ANKRD65: variants seen among roughly 807,000 people sequenced by gnomAD.
ANKRD65 encodes ankyrin repeat domain-containing protein 65.
ANKRD65 carries 26 observed loss-of-function variants against 17.2 expected under a neutral mutation model. The ratio of observed to expected loss-of-function variants is 1.51; its 90% confidence interval spans 1.11 to 2.09. ANKRD65 has a LOEUF of 2.09. Ranked by LOEUF, ANKRD65 falls within the 30% of genes most tolerant of loss-of-function variation. ANKRD65 has a pLI of 0.00. For synonymous variants in ANKRD65, 311 were observed against 272.2 expected (o/e 1.14, Z -1.40); for missense variants, 621 against 542.2 (o/e 1.15, Z -1.44).
chr1:1,418,743 T>G lies in ANKRD65; in HGVS notation c.*357A>C. ...TAGGCCAGGCAGGCGCAGGCCTGGT[T>G]TCGGGCCTAGCGCCAGGCTGCCTGC... On this transcript the variant is annotated 3_prime_UTR_variant, in exon 4 of 4. Coordinates refer to ENST00000537107, the MANE Select transcript of ANKRD65 (RefSeq NM_001145210.3). 4.9e-6 allele frequency: 1 copy of G among 206,016 alleles called. No individual in the cohort carries two copies. 12.8% of individuals were successfully genotyped at this position (206,016 alleles called of 1,614,324 possible).
intron 3 of ANKRD65, among the ~76,000 whole-genome samples, chr1:1,419,818 G>A (rs940345754): frequency 6.6e-5 from 10 of 152,302 alleles, no homozygotes; most frequent in Admixed American, 2.0e-4. Flanking sequence ...CAGGCCCGGC[G>A]CTGGCGGAGA....
At chr1:1,419,629 G>C (rs887373016) in intron 3 of ANKRD65, 80 bp from the exon 4 acceptor site, 2 of 1,309,858 alleles carry the variant, frequency 1.5e-6, no homozygotes, top group South Asian at 1.5e-5. Context: ...GCCCAGCCCA[G>C]GCCTCTTCTG....
chr1:1,421,153 G>C lies in ANKRD65; in HGVS notation c.-21C>G, dbSNP rs896574492. The C allele has an allele frequency of 1.4e-5, 11 of 772,072 alleles. No individual in the cohort carries two copies. The African/African-American group carries it at 1.6e-4, about 11-fold the overall frequency. The allele number at this position is 772,072 out of a possible 1,614,324, so 47.8% of individuals were successfully genotyped here. ...GTTACCCAAGGGAGCTGGCTCAGGAGCTTTCTGCTCTGGCTGAGGGTCCTC... is the reference window on the plus strand; with the variant it reads ...GTTACCCAAGGGAGCTGGCTCAGGACCTTTCTGCTCTGGCTGAGGGTCCTC... On this transcript the variant is annotated 5_prime_UTR_variant, in exon 1 of 4. Coordinates refer to ENST00000537107, the MANE Select transcript of ANKRD65 (RefSeq NM_001145210.3).
Position 1,419,284 on chromosome 1 carries a change from A to AG in ANKRD65, c.1015dup (p.Leu339ProfsTer37), listed in dbSNP as rs1012333992. The AG allele has an allele frequency of 1.5e-5, 23 of 1,550,258 alleles. No homozygotes were observed. The highest frequency in any genetic ancestry group is 2.0e-5 in the Admixed American group (1 of 50,986). ...ATGCCCTCGCTCTGCAGCCAGGTGT[A>AG]GGGGGGTCTTTCGGAGCCAGCCGGT... On this transcript the variant is annotated frameshift_variant, in exon 4 of 4. Coordinates refer to ENST00000537107, the MANE Select transcript of ANKRD65 (RefSeq NM_001145210.3). LOFTEE classifies it low-confidence loss of function (END_TRUNC).
chr1:1,420,976 C>T lies in ANKRD65; in HGVS notation c.30G>A (p.Glu10=), dbSNP rs919855143. 7.1e-6 allele frequency: 11 copies of T among 1,550,468 alleles called. No individual in the cohort carries two copies. Among genetic ancestry groups the T allele is most frequent in the African/African-American group, 4.1e-5 (3 of 73,070 alleles). Residue 10 remains glutamate (E), a synonymous_variant, in exon 2 of 4, where the codon GAG becomes GAA. Transcript: ENST00000537107. ...GCAGTTCCTGTTCCTCCTCCTCCTC[C>T]TCTCTGGGCTCAGGCCTCTGGGAGT... MDSQRPEPR[E]EEEEEQELRW...
In ANKRD65 at chr1:1,419,527, T is replaced by C; in HGVS notation, c.773A>G (p.His258Arg). Residue 258 changes from histidine (H) to arginine (R), a missense_variant, in exon 4 of 4, where the codon CAC becomes CGC. Coordinates refer to ENST00000537107, the MANE Select transcript of ANKRD65 (RefSeq NM_001145210.3). ...GTCCCTGATGCCTGGGTCTGCCCCG[T>C]GGCCCAGCAGCACCTCAATGTCCTA... ...RSQDIEVLLG[H>R]GADPGIRDRH... 2 of 1,535,412 alleles carry C rather than the reference T, an allele frequency of 1.3e-6. No individual in the cohort carries two copies. Among genetic ancestry groups the C allele is most frequent in the South Asian group, 2.4e-5 (2 of 83,756 alleles).
rs191154418 is a variant in ANKRD65 at position 1,419,190 on chromosome 1, C to T, written c.1110G>A (p.Val370=). ...GCAGGTCCCCCTCAGGCATCTGGGC[C>T]ACCTCGGCCCACTGCGTCCGCAGAG... ...SPTLRTQWAE[V]AQMPEGDLPQ... is the part of the protein sequence containing the mutation. Residue 370 remains valine, a synonymous_variant, in exon 4 of 4, where the codon GTG becomes GTA. Coordinates refer to ENST00000537107, the MANE Select transcript of ANKRD65 (RefSeq NM_001145210.3). 556 of 1,548,004 alleles carry T rather than the reference C, an allele frequency of 3.6e-4. 1 individual carries two copies. In the African/African-American group the frequency reaches 4.4e-3, roughly 12 times the overall value.
chr1:1,418,837 G>A lies in ANKRD65; in HGVS notation c.*263C>T, dbSNP rs1364173752. On this transcript the variant is annotated 3_prime_UTR_variant, in exon 4 of 4. Coordinates refer to ENST00000537107, the MANE Select transcript of ANKRD65 (RefSeq NM_001145210.3). ...TACTGAGTATAAAACACTATGAGAG[G>A]GTCTCTCTTCCCTCATTGCCACAAC... 1.6e-5 allele frequency: 7 copies of A among 443,614 alleles called. No homozygotes were observed. Among genetic ancestry groups the A allele is most frequent in the Non-Finnish European group, 2.4e-5 (6 of 248,814 alleles). The allele number at this position is 443,614 out of a possible 1,614,324, so 27.5% of individuals were successfully genotyped here. A position where few individuals can be genotyped will look rare whatever the true frequency, so the allele number is the denominator to read the frequency against.
intron 2 of ANKRD65, 40 bp downstream of exon 2, chr1:1,420,757 C>A (rs1358260367): frequency 6.6e-7 from 1 of 1,517,036 alleles, no homozygotes; most frequent in East Asian, 2.5e-5. Context: ...TCCTGCCCCA[C>A]CCAGAGAAGG....
chr1:1,420,951 G>A lies in ANKRD65; in HGVS notation c.55C>T (p.Arg19Trp), dbSNP rs762207074. Residue 19 changes from arginine (R) to tryptophan (W), a missense_variant, in exon 2 of 4, where the codon CGG becomes TGG. Physicochemically the swap from Arg to Trp is moderately radical, Grantham distance 101. Transcript: ENST00000537107. ...TCTTCGGAGTCCAGCTCCATCCACC[G>A]CAGTTCCTGTTCCTCCTCCTCCTCC... Reference protein sequence around the residue: ...REEEEEEQELRWMELDSEEAL... With the variant: ...REEEEEEQELWWMELDSEEAL... 431 of 1,550,732 alleles carry A rather than the reference G, an allele frequency of 2.8e-4. 1 individual carries two copies. The highest frequency in any genetic ancestry group is 3.1e-5 in the Non-Finnish European group (36 of 1,146,968).
Position 1,419,314 on chromosome 1 carries a change from T to A in ANKRD65, c.986A>T (p.Asp329Val). 2.6e-6 allele frequency: 4 copies of A among 1,550,298 alleles called. No individual in the cohort carries two copies. The highest frequency in any genetic ancestry group is 3.5e-6 in the Non-Finnish European group (4 of 1,146,846). The change falls in exon 4 of 4, where the codon GAT becomes GTT. Residue 329 changes from aspartate to valine, a missense_variant. Transcript: ENST00000537107. Reference sequence around the variant, plus strand: ...GGTCTTTCGGAGCCAGCCGGTAGCATCCACCTGGGCACCCCTGTCCAGCAG... The same window carrying A: ...GGTCTTTCGGAGCCAGCCGGTAGCAACCACCTGGGCACCCCTGTCCAGCAG... Reference protein sequence around the residue: ...GCLLDRGAQVDATGWLRKTPL... With the variant: ...GCLLDRGAQVVATGWLRKTPL...
chr1:1,420,961 TTCC>T lies in ANKRD65; in HGVS notation c.42_44del (p.Glu15del), dbSNP rs540396555. 2.2e-3 allele frequency: 3,442 copies of T among 1,546,298 alleles called. 23 individuals are homozygous for T. Among genetic ancestry groups the T allele is most frequent in the South Asian group, 0.012 (1,030 of 83,638 alleles). On this transcript the variant is annotated inframe_deletion, in exon 2 of 4. Transcript: ENST00000537107. ...CCAGCTCCATCCACCGCAGTTCCTG[TTCC>T]TCCTCCTCCTCCTCTCTGGGCTCAG... is the stretch of plus-strand genomic sequence containing the variant.
chr1:1,421,082 G>GC (rs1414200263), intron 1 of ANKRD65, 51 bp downstream of exon 1: 25 of 1,410,334 alleles, frequency 1.8e-5, no homozygotes, highest in South Asian at 1.0e-4. Context: ...GCCAACTGGA[G>GC]CCCCCCATTC....
rs1423685421 is a variant in ANKRD65 at position 1,418,760 on chromosome 1, GCTGC to G, written c.*336_*339del. 4.4e-6 allele frequency: 1 copy of G among 227,764 alleles called. No homozygotes were observed. 14.1% of individuals were successfully genotyped at this position (227,764 alleles called of 1,614,324 possible). On this transcript the variant is annotated 3_prime_UTR_variant, in exon 4 of 4. Coordinates refer to ENST00000537107, the MANE Select transcript of ANKRD65 (RefSeq NM_001145210.3). ...GGCCTGGTTTCGGGCCTAGCGCCAG[GCTGC>G]CTGCCTGTCTTTGGTTTTACTTCCT...
chr1:1,420,297 C>A lies in ANKRD65; in HGVS notation c.505G>T (p.Ala169Ser). The change falls in exon 3 of 4, where the codon GCA becomes TCA. Residue 169 changes from alanine (A) to serine (S), a missense_variant. Physicochemically the swap from Ala to Ser is moderately conservative, Grantham distance 99. Coordinates refer to ENST00000537107, the MANE Select transcript of ANKRD65 (RefSeq NM_001145210.3). Reference sequence around the variant, plus strand: ...CCGCGCGCGTCCTCCGCCTCCGCTGCCGCGGGTCCCGGGCCCGGAGCCTCC... The same window carrying A: ...CCGCGCGCGTCCTCCGCCTCCGCTGACGCGGGTCCCGGGCCCGGAGCCTCC... ...LLEAPGPGPA[A>S]AEAEDARGWT... is the part of the protein sequence containing the mutation. 9.5e-7 allele frequency: 1 copy of A among 1,052,636 alleles called. No homozygotes were observed. The highest frequency in any genetic ancestry group is 4.2e-5 in the South Asian group (1 of 23,702). 65.2% of individuals were successfully genotyped at this position (1,052,636 alleles called of 1,614,324 possible). A position where few individuals can be genotyped will look rare whatever the true frequency, so the allele number is the denominator to read the frequency against.
rs898294358 is a variant in ANKRD65, at chr1:1,420,777, AC to A, written c.209+19del. 2 of 1,530,568 alleles carry A rather than the reference AC, an allele frequency of 1.3e-6. No homozygotes were observed. Among genetic ancestry groups the A allele is most frequent in the Non-Finnish European group, 1.8e-6 (2 of 1,136,336 alleles). 94.8% of individuals were successfully genotyped at this position (1,530,568 alleles called of 1,614,324 possible). The stretch of plus-strand genomic sequence containing the variant: ...CCCCACCCAGAGAAGGGACCCCTTC[AC>A]CCCCCAGCGCAGGTGCACCTCTCCT... On this transcript the variant is annotated intron_variant, in intron 2 of 3. Coordinates refer to ENST00000537107, the MANE Select transcript of ANKRD65 (RefSeq NM_001145210.3).
At position 1,421,000 on chromosome 1, in the gene ANKRD65, G is replaced by C; in HGVS notation, c.6C>G (p.Asp2Glu). ...CCTCTCTGGGCTCAGGCCTCTGGGA[G>C]TCCATCTGGGGGGGAGCAGGGATCC... M[D>E]SQRPEPREEE... The change falls in exon 2 of 4, where the codon GAC becomes GAG. Residue 2 changes from aspartate to glutamate, a missense_variant. Physicochemically the swap from Asp to Glu is conservative, Grantham distance 45. Coordinates refer to ENST00000537107, the MANE Select transcript of ANKRD65 (RefSeq NM_001145210.3). The C allele has an allele frequency of 1.3e-6, 2 of 1,550,362 alleles. No individual in the cohort carries two copies. The highest frequency in any genetic ancestry group is 2.4e-5 in the East Asian group (1 of 40,916).
chr1:1,420,810 T>G lies in ANKRD65; in HGVS notation c.196A>C (p.Ser66Arg). 6.5e-7 allele frequency: 1 copy of G among 1,548,008 alleles called. No homozygotes were observed. The highest frequency in any genetic ancestry group is 1.2e-5 in the South Asian group (1 of 83,928). Residue 66 changes from serine (S) to arginine (R), a missense_variant, in exon 2 of 4, where the codon AGC (serine) becomes CGC (arginine). Coordinates refer to ENST00000537107, the MANE Select transcript of ANKRD65 (RefSeq NM_001145210.3). ...LVTQLLRQGA[S>R]VEERDHAGRT... Reference sequence around the variant, plus strand: ...GCGCAGGTGCACCTCTCCTCCACGCTGGCACCTTGCCGCAGCAGCTGCGTC... The same window carrying G: ...GCGCAGGTGCACCTCTCCTCCACGCGGGCACCTTGCCGCAGCAGCTGCGTC...
Position 1,420,435 on chromosome 1 carries a change from C to A in ANKRD65, c.367G>T (p.Ala123Ser). The change falls in exon 3 of 4, where the codon GCC becomes TCC. Residue 123 changes from alanine to serine, a missense_variant. Ala to Ser is a moderately conservative substitution (Grantham distance 99). Transcript: ENST00000537107. ...GCCCCGCGCTGCAGCAGCAGCTCGG[C>A]CACCCGCGAGTGTCCGTGCCAGGCG... ...EAAWHGHSRVAELLLQRGASA... is the reference protein window; with the variant it reads ...EAAWHGHSRVSELLLQRGASA... 1 of 1,330,298 alleles carries A rather than the reference C, an allele frequency of 7.5e-7. No individual in the cohort carries two copies. Among genetic ancestry groups the A allele is most frequent in the Admixed American group, 3.5e-5 (1 of 28,380 alleles). The allele number at this position is 1,330,298 out of a possible 1,614,324, so 82.4% of individuals were successfully genotyped here.
Sources: gnomAD v4.1 joint callset for allele counts (sites outside exome capture counted in the v4.1 genomes callset) on GRCh38, gnomAD v4.1.1 for gene constraint, MANE v1.5 for transcripts, NCBI Gene and HGNC (gene_info 2026-07-23, HGNC 2026-07-21) for gene names.